Variants in IL12RB2 observed in about 807,000 individuals in gnomAD.
IL12RB2 encodes the protein interleukin-12 receptor subunit beta-2.
IL12RB2 carries 82 observed loss-of-function variants against 89.4 expected under a neutral mutation model. The ratio of observed to expected loss-of-function variants is 0.92; its 90% CI spans 0.77 to 1.10. The LOEUF is 1.10. Ranked by LOEUF, IL12RB2 falls within the 50% of genes least tolerant of loss-of-function variation. The pLI, the probability that IL12RB2 is intolerant of heterozygous loss-of-function variation, is 0.00. For synonymous variants in IL12RB2, 368 were observed against 370.1 expected (o/e 0.99, Z 0.07); for missense variants, 963 against 1,031.9 (o/e 0.93, Z 0.92).
intron 14 of IL12RB2, among the ~76,000 whole-genome samples, chr1:67,384,207 C>T (rs1168715948): frequency 6.6e-6 from 1 of 152,258 alleles, no homozygotes; most frequent in Non-Finnish European, 1.5e-5. Context: ...GGCATCCAGG[C>T]ACTTCCATAC....
intron 14 of IL12RB2, among the ~76,000 whole-genome samples, chr1:67,386,134 G>A (rs12757807): frequency 0.47 from 69,887 of 149,766 alleles, 18,430 homozygotes; most frequent in Non-Finnish European, 0.58. Context: ...GCTTGAACCC[G>A]GGAGGCGGAG....
intron 8 of IL12RB2, among the ~76,000 whole-genome samples, chr1:67,336,835 T>C (rs945023320): frequency 2.6e-5 from 4 of 152,216 alleles, no homozygotes; most frequent in Admixed American, 2.0e-4. Context: ...TCTGGGACCT[T>C]AAGCAAGTTC....
chr1:67,321,542 C>T, intron 3 of IL12RB2, 60 bp from the exon 4 acceptor site: 1 of 1,109,748 alleles, frequency 9.0e-7, no homozygotes, highest in Non-Finnish European at 1.4e-6. Flanking sequence ...TACATAAACT[C>T]TTCATTTTGA....
chr1:67,321,068 G>A lies in IL12RB2; in HGVS notation c.77-534G>A, dbSNP rs371486650. ...CTCCCGCCGTCCACAAGTTTGGTTT[G>A]TTTTTTTTTTCTGAGACAGGGTCTG... is the stretch of plus-strand genomic sequence containing the variant. On this transcript the variant is annotated intron_variant, in intron 3 of 16. Coordinates refer to ENST00000674203, the MANE Select transcript of IL12RB2 (RefSeq NM_001374259.2). 9.5e-5 allele frequency among the ~76,000 whole-genome samples: 14 copies of A among 147,502 alleles called. No individual in the cohort carries two copies. The East Asian group carries it at 9.9e-4, about 10-fold the overall frequency.
At chr1:67,338,298 C>T (rs1659061112) in intron 8 of IL12RB2, among the ~76,000 whole-genome samples, 1 of 124,348 alleles carries the variant, frequency 8.0e-6, no homozygotes, top group African/African-American at 3.0e-5. Flanking sequence ...CACTGCATCA[C>T]TGCATTCCAG....
At position 67,395,801 on chromosome 1, in the gene IL12RB2, C is replaced by T; in HGVS notation, c.2301C>T (p.Tyr767=). 2 of 1,614,008 alleles carry T rather than the reference C, an allele frequency of 1.2e-6. No homozygotes were observed. Among genetic ancestry groups the T allele is most frequent in the Admixed American group, 1.7e-5 (1 of 60,018 alleles). ...AGAGCAGACAACTGGTGGATCTGTA[C>T]AAGGTGCTGGAGAGCAGGGGCTCCG... ...QAESRQLVDL[Y]KVLESRGSDP... Residue 767 remains tyrosine (Y), a synonymous_variant, in exon 17 of 17, where the codon TAC becomes TAT. Transcript: ENST00000674203.
rs192257137 is a variant in IL12RB2, at chr1:67,318,442, C to T, written c.-36-1891C>T. On this transcript the variant is annotated intron_variant, in intron 2 of 16. Coordinates refer to ENST00000674203, the MANE Select transcript of IL12RB2 (RefSeq NM_001374259.2). ...AGGATGGTTTGGAAAGACATGTTGA[C>T]GGCTAGAATAGACTAGGGGAGAGAT... Among the ~76,000 whole-genome samples the T allele has an allele frequency of 1.4e-4, 22 of 152,162 alleles. No individual in the cohort carries two copies. The East Asian group carries it at 2.5e-3, about 17-fold the overall frequency.
chr1:67,363,156 C>A (rs1219670962), intron 10 of IL12RB2, among the ~76,000 whole-genome samples: 1 of 151,412 alleles, frequency 6.6e-6, no homozygotes, highest in Admixed American at 6.6e-5. Flanking sequence ...CTGCCTCGGA[C>A]TCCCAAAGTG....
chr1:67,345,004 A>G (rs1660058114), intron 9 of IL12RB2, among the ~76,000 whole-genome samples: 1 of 152,068 alleles, frequency 6.6e-6, no homozygotes, highest in African/African-American at 2.4e-5. Flanking sequence ...CCCTGTCTCT[A>G]CTAAAAATAC....
chr1:67,322,502 T>A (rs991868599), intron 4 of IL12RB2, among the ~76,000 whole-genome samples: 1 of 147,678 alleles, frequency 6.8e-6, no homozygotes, highest in East Asian at 2.0e-4. Flanking sequence ...GGCAGAGGAG[T>A]TACACAGCCC....
intron 10 of IL12RB2, among the ~76,000 whole-genome samples, chr1:67,353,448 T>C (rs773535154): frequency 1.3e-5 from 2 of 152,100 alleles, no homozygotes; most frequent in Non-Finnish European, 2.9e-5. Context: ...CTCACGCCTG[T>C]GGTTCCACTA....
intron 2 of IL12RB2, among the ~76,000 whole-genome samples, chr1:67,317,864 A>G (rs774780614): frequency 1.3e-5 from 2 of 152,202 alleles, no homozygotes; most frequent in Non-Finnish European, 2.9e-5. Context: ...CTTATATTCT[A>G]GTATAGAAGA....
At chr1:67,327,402 A>G (rs1657479868) in intron 5 of IL12RB2, among the ~76,000 whole-genome samples, 1 of 152,204 alleles carries the variant, frequency 6.6e-6, no homozygotes, top group South Asian at 2.1e-4. Flanking sequence ...TCTGAGTTCT[A>G]ACTCAGAGTT....
intron 10 of IL12RB2, among the ~76,000 whole-genome samples, chr1:67,363,692 A>G (rs532166226): frequency 3.3e-5 from 5 of 152,306 alleles, no homozygotes; most frequent in African/African-American, 9.6e-5. Context: ...ACTTTGGATT[A>G]TTTTGCTATT....
chr1:67,347,487 A>T (rs1280779154), intron 9 of IL12RB2, among the ~76,000 whole-genome samples: 1 of 152,178 alleles, frequency 6.6e-6, no homozygotes, highest in African/African-American at 2.4e-5. Flanking sequence ...AATGTGTCAG[A>T]TTTTGTCCTG....
chr1:67,310,512 A>G (rs1340353702), intron 1 of IL12RB2, among the ~76,000 whole-genome samples: 1 of 152,204 alleles, frequency 6.6e-6, no homozygotes, highest in Non-Finnish European at 1.5e-5. Flanking sequence ...TCAGTCTTTC[A>G]GTGTTAAATC....
chr1:67,373,219 C>T (rs542308286), intron 13 of IL12RB2, among the ~76,000 whole-genome samples: 1 of 152,336 alleles, frequency 6.6e-6, no homozygotes, highest in South Asian at 2.1e-4. Flanking sequence ...AGCAATCCTC[C>T]TGCCTCAGCC....
At chr1:67,367,407 A>AT (rs1049845195) in intron 10 of IL12RB2, among the ~76,000 whole-genome samples, 6 of 151,172 alleles carry the variant, frequency 4.0e-5, no homozygotes, top group Admixed American at 2.0e-4. Context: ...GGAAAAAAAA[A>AT]GAAAGAGAGA....
At chr1:67,370,444 G>A (rs551846338) in intron 11 of IL12RB2, among the ~76,000 whole-genome samples, 1 of 152,204 alleles carries the variant, frequency 6.6e-6, no homozygotes, top group Non-Finnish European at 1.5e-5. Flanking sequence ...TGCACCTAGA[G>A]TTGTTGGGGG....
Sources: allele counts gnomAD v4.1 joint callset (sites outside exome capture counted in the v4.1 genomes callset), GRCh38; gene constraint gnomAD v4.1.1; transcripts MANE v1.5; gene names NCBI Gene and HGNC (gene_info 2026-07-23, HGNC 2026-07-21).